The following PPFIA2 variants were observed in gnomAD, a reference collection of about 807,000 sequenced individuals.
PPFIA2 encodes liprin-alpha-2.
Under a neutral mutation model 175.5 loss-of-function variants are expected in PPFIA2, and 46 were observed. That is an observed-to-expected ratio of 0.26 (90% CI 0.21 to 0.34). The LOEUF is 0.34. Among genes scored for constraint, PPFIA2 ranks in the 10% least tolerant of loss-of-function variants. PPFIA2 has a pLI of 1.00. For synonymous variants in PPFIA2, 568 were observed against 511.4 expected (o/e 1.11, Z -1.49); for missense variants, 1,179 against 1,506.1 (o/e 0.78, Z 3.60).
At chr12:81,574,303 A>G (rs1404080710) in intron 4 of PPFIA2, among the ~76,000 whole-genome samples, 1 of 151,878 alleles carries the variant, frequency 6.6e-6, no homozygotes, top group Non-Finnish European at 1.5e-5. Context: ...TTTAATAGCA[A>G]AAGATGATCA....
At chr12:81,306,367 C>T (rs56346648) in intron 22 of PPFIA2, among the ~76,000 whole-genome samples, 4,724 of 152,126 alleles carry the variant, frequency 0.031, 272 homozygotes, top group African/African-American at 0.11. Flanking sequence ...TGCTGTGATT[C>T]AGTTTCCTCA....
intron 22 of PPFIA2, among the ~76,000 whole-genome samples, chr12:81,322,653 A>G (rs548397836): frequency 7.3e-4 from 111 of 152,328 alleles, no homozygotes; most frequent in African/African-American, 2.5e-3. Context: ...GATGCTTTAA[A>G]GAAAAGTACA....
chr12:81,453,835 A>T (rs986755701), intron 5 of PPFIA2, among the ~76,000 whole-genome samples: 1 of 152,192 alleles, frequency 6.6e-6, no homozygotes, highest in African/African-American at 2.4e-5. Context: ...CATGGCCAGG[A>T]CATACATTTC....
At chr12:81,724,478 C>T (rs895889983) in intron 3 of PPFIA2, among the ~76,000 whole-genome samples, 5 of 150,854 alleles carry the variant, frequency 3.3e-5, no homozygotes, top group Non-Finnish European at 6.0e-5. Context: ...AACCCCCTCC[C>T]ACTCTCTCAC....
intron 4 of PPFIA2, among the ~76,000 whole-genome samples, chr12:81,475,381 A>G (rs2057345330): frequency 6.6e-6 from 1 of 152,202 alleles, no homozygotes; most frequent in South Asian, 2.1e-4. Flanking sequence ...ATGAATCTTA[A>G]AACATGGCAT....
rs576945277 is a variant in PPFIA2, at chr12:81,439,702, G to A, written c.645+270C>T. Among the ~76,000 whole-genome samples the A allele has an allele frequency of 1.3e-4, 20 of 152,182 alleles. No individual in the cohort carries two copies. In the South Asian group the frequency reaches 3.7e-3, roughly 28 times the overall value. On this transcript the variant is annotated intron_variant, in intron 7 of 32. Coordinates refer to ENST00000549396, the MANE Select transcript of PPFIA2 (RefSeq NM_003625.5). Reference sequence around the variant, plus strand: ...TGTTTTCCTTCTTGAAACGACTGACGTTCTGCCTGTAGTCTTTCTAAATCT... The same window carrying A: ...TGTTTTCCTTCTTGAAACGACTGACATTCTGCCTGTAGTCTTTCTAAATCT...
In PPFIA2 at chr12:81,452,145, G is replaced by A. The variant is rs115009604; in HGVS notation, c.405+5620C>T. Among the ~76,000 whole-genome samples, 91 of 151,932 alleles carry A rather than the reference G, an allele frequency of 6.0e-4. 1 individual carries two copies. The highest frequency in any genetic ancestry group is 2.0e-3 in the African/African-American group (81 of 41,462). ...ACCCACACAAACCCACACATCATGC[G>A]TCATTGGGAATTTTTTGGACTAAGT... On this transcript the variant is annotated intron_variant, in intron 5 of 32. Coordinates refer to ENST00000549396, the MANE Select transcript of PPFIA2 (RefSeq NM_003625.5).
chr12:81,398,602 A>G (rs972288155), intron 8 of PPFIA2, among the ~76,000 whole-genome samples: 2 of 152,078 alleles, frequency 1.3e-5, no homozygotes, highest in Non-Finnish European at 2.9e-5. Flanking sequence ...GAGATCAAAT[A>G]AAACAACTCA....
chr12:81,462,116 C>G (rs1478805856), intron 4 of PPFIA2, among the ~76,000 whole-genome samples: 1 of 151,056 alleles, frequency 6.6e-6, no homozygotes, highest in Non-Finnish European at 1.5e-5. Flanking sequence ...TTAAATTTTT[C>G]TAAGTGAGAT....
chr12:81,473,959 G>T (rs1341624818), intron 4 of PPFIA2, among the ~76,000 whole-genome samples: 1 of 151,964 alleles, frequency 6.6e-6, no homozygotes, highest in African/African-American at 2.4e-5. Context: ...ATGGAAAAAC[G>T]GCTATGTGTC....
intron 4 of PPFIA2, among the ~76,000 whole-genome samples, chr12:81,606,427 AT>A (rs2060321669): frequency 6.6e-6 from 1 of 152,120 alleles, no homozygotes. Context: ...ACTCATTTAC[AT>A]TCCCACCAAT....
chr12:81,459,207 G>T (rs915105486), intron 4 of PPFIA2, among the ~76,000 whole-genome samples: 1 of 151,982 alleles, frequency 6.6e-6, no homozygotes, highest in African/African-American at 2.4e-5. Flanking sequence ...CCTGATTGCC[G>T]CCTGCTTAAA....
intron 4 of PPFIA2, among the ~76,000 whole-genome samples, chr12:81,556,076 G>A (rs1039450598): frequency 2.6e-5 from 4 of 151,824 alleles, no homozygotes; most frequent in Non-Finnish European, 4.4e-5. Flanking sequence ...ATGATATGTG[G>A]GAAACACTGG....
chr12:81,662,099 A>G (rs1435349101), intron 4 of PPFIA2, among the ~76,000 whole-genome samples: 3 of 152,210 alleles, frequency 2.0e-5, no homozygotes. Flanking sequence ...AGAAAGCAGG[A>G]AAGATCTAAA....
chr12:81,272,522 T>C (rs2039415414), intron 28 of PPFIA2, among the ~76,000 whole-genome samples: 1 of 151,280 alleles, frequency 6.6e-6, no homozygotes, highest in African/African-American at 2.4e-5. Flanking sequence ...TTCCATTTGA[T>C]TATTTGTTAA....
intron 7 of PPFIA2, among the ~76,000 whole-genome samples, chr12:81,410,516 C>T (rs559005121): frequency 1.3e-5 from 2 of 152,208 alleles, no homozygotes; most frequent in African/African-American, 4.8e-5. Flanking sequence ...TAGCAACCCA[C>T]TGAAGGCTCA....
intron 4 of PPFIA2, among the ~76,000 whole-genome samples, chr12:81,570,509 A>G (rs1417865320): frequency 6.6e-6 from 1 of 152,124 alleles, no homozygotes; most frequent in African/African-American, 2.4e-5. Context: ...GAGAAGTATA[A>G]TATACATGAC....
At chr12:81,574,456 T>C (rs546673834) in intron 4 of PPFIA2, among the ~76,000 whole-genome samples, 14 of 151,806 alleles carry the variant, frequency 9.2e-5, no homozygotes, top group Non-Finnish European at 1.8e-4. Context: ...TCCCATAAAA[T>C]AGAAAATGAT....
intron 3 of PPFIA2, among the ~76,000 whole-genome samples, chr12:81,721,402 G>C (rs1055191315): frequency 1.2e-4 from 18 of 151,042 alleles, no homozygotes; most frequent in African/African-American, 3.9e-4. Context: ...ATCTGGTAGA[G>C]TGATTGTTCA....
Sources: gnomAD v4.1 joint callset for allele counts (sites outside exome capture counted in the v4.1 genomes callset) on GRCh38, gnomAD v4.1.1 for gene constraint, MANE v1.5 for transcripts, NCBI Gene and HGNC (gene_info 2026-07-23, HGNC 2026-07-21) for gene names.